Variants in NCAM2 observed in about 807,000 individuals in gnomAD.
NCAM2 encodes the protein neural cell adhesion molecule 2.
NCAM2 carries 30 observed loss-of-function variants against 98.1 expected under a neutral mutation model. The ratio of observed to expected loss-of-function variants is 0.31; its 90% CI spans 0.23 to 0.41. The LOEUF is 0.41. NCAM2 is among the 10% of genes least tolerant of loss of function. The pLI is 1.00. For synonymous variants in NCAM2, 368 were observed against 342.4 expected, an observed-to-expected ratio of 1.07 and a Z score of -0.83; for missense variants, 867 against 1,005.8, an observed-to-expected ratio of 0.86 and a Z score of 1.87.
At chr21:21,356,272 ATAT>A (rs1336586881) in intron 8 of NCAM2, among the ~76,000 whole-genome samples, 6 of 152,076 alleles carry the variant, frequency 3.9e-5, no homozygotes, top group African/African-American at 1.4e-4. Context: ...ATTCTCAGTT[ATAT>A]TATTCTTTAT....
At chr21:21,074,503 G>T (rs183884053) in intron 1 of NCAM2, among the ~76,000 whole-genome samples, 1 of 152,080 alleles carries the variant, frequency 6.6e-6, no homozygotes, top group Non-Finnish European at 1.5e-5. Context: ...TCACCATGAA[G>T]GTTTACTTTC....
chr21:21,122,656 A>G (rs2066699446), intron 1 of NCAM2, among the ~76,000 whole-genome samples: 2 of 152,166 alleles, frequency 1.3e-5, no homozygotes, highest in African/African-American at 4.8e-5. Flanking sequence ...GGATGGACCT[A>G]TTCAGTTCTG....
At chr21:21,200,009 C>T (rs1301700399) in intron 1 of NCAM2, among the ~76,000 whole-genome samples, 3 of 152,034 alleles carry the variant, frequency 2.0e-5, no homozygotes, top group African/African-American at 7.2e-5. Context: ...ATTTTTGCCA[C>T]TCCATGAAGA....
At chr21:21,256,172 T>C (rs2147315662) in intron 1 of NCAM2, among the ~76,000 whole-genome samples, 1 of 152,106 alleles carries the variant, frequency 6.6e-6, no homozygotes, top group African/African-American at 2.4e-5. Flanking sequence ...TTGGCCAACA[T>C]GGCAAAACCG....
intron 8 of NCAM2, among the ~76,000 whole-genome samples, chr21:21,353,209 CAA>C (rs1460037966): frequency 5.3e-5 from 8 of 152,164 alleles, no homozygotes; most frequent in Non-Finnish European, 1.0e-4. Flanking sequence ...TGCTGTCACA[CAA>C]GAGACTAGAT....
intron 1 of NCAM2, among the ~76,000 whole-genome samples, chr21:21,142,991 C>A (rs932539092): frequency 3.9e-5 from 6 of 152,110 alleles, no homozygotes; most frequent in Non-Finnish European, 7.4e-5. Context: ...ATTATTAGCC[C>A]TGGTCATACA....
At chr21:21,252,032 G>A (rs1007321130) in intron 1 of NCAM2, among the ~76,000 whole-genome samples, 3 of 151,602 alleles carry the variant, frequency 2.0e-5, no homozygotes, top group Admixed American at 2.0e-4. Context: ...TATAGTTTGG[G>A]GTTCAAAGGA....
intron 12 of NCAM2, among the ~76,000 whole-genome samples, chr21:21,442,938 C>A (rs1979518579): frequency 6.6e-6 from 1 of 152,108 alleles, no homozygotes; most frequent in Admixed American, 6.6e-5. Flanking sequence ...CTTTATCCCA[C>A]CCTCGCCCCT....
chr21:21,057,558 A>C (rs1358250333), intron 1 of NCAM2, among the ~76,000 whole-genome samples: 2 of 152,064 alleles, frequency 1.3e-5, no homozygotes, highest in East Asian at 3.9e-4. Context: ...CAAAGTCCTC[A>C]TGCACCCGAC....
At chr21:21,406,801 T>A (rs1409033679) in intron 9 of NCAM2, among the ~76,000 whole-genome samples, 1 of 152,230 alleles carries the variant, frequency 6.6e-6, no homozygotes, top group Non-Finnish European at 1.5e-5. Context: ...TATGCTTCCA[T>A]AACTTCATAT....
intron 1 of NCAM2, among the ~76,000 whole-genome samples, chr21:21,277,725 G>A (rs1468884054): frequency 1.3e-5 from 2 of 152,106 alleles, no homozygotes; most frequent in Non-Finnish European, 2.9e-5. Flanking sequence ...AGATCTTTGA[G>A]CAGAAGAGTG....
chr21:21,068,199 C>CT (rs1389290811), intron 1 of NCAM2, among the ~76,000 whole-genome samples: 4 of 136,036 alleles, frequency 2.9e-5, no homozygotes, highest in Non-Finnish European at 6.1e-5. Flanking sequence ...TACAGTGGCG[C>CT]TTGGCTCACT....
chr21:21,499,312 G>A (rs950949747), intron 15 of NCAM2, among the ~76,000 whole-genome samples: 1 of 152,114 alleles, frequency 6.6e-6, no homozygotes, highest in African/African-American at 2.4e-5. Context: ...CGTGATCTCG[G>A]CTCACTGCAA....
At chr21:21,108,898 C>A (rs1170018517) in intron 1 of NCAM2, among the ~76,000 whole-genome samples, 4 of 152,010 alleles carry the variant, frequency 2.6e-5, no homozygotes, top group Non-Finnish European at 5.9e-5. Flanking sequence ...GTAAATCAAC[C>A]CCACTATTTG....
rs151148117 is a variant in NCAM2, at chr21:21,286,700, A to G, written c.481+288A>G. On this transcript the variant is annotated intron_variant, in intron 4 of 17. Transcript: ENST00000400546. ...AGTTGAGAAGCTGTGGCTAAAAAAA[A>G]TATACAATCATTAGCCTAAAAAAAT... is the stretch of plus-strand genomic sequence containing the variant. 4.3e-3 allele frequency among the ~76,000 whole-genome samples: 655 copies of G among 152,002 alleles called. 5 individuals carry two copies. Among genetic ancestry groups the G allele is most frequent in the Non-Finnish European group, 6.6e-3 (447 of 67,900 alleles).
intron 16 of NCAM2, among the ~76,000 whole-genome samples, chr21:21,522,166 G>A (rs1449055156): frequency 6.8e-6 from 1 of 146,902 alleles, no homozygotes; most frequent in Non-Finnish European, 1.5e-5. Flanking sequence ...CTATATATAT[G>A]AATATGAATA....
intron 1 of NCAM2, among the ~76,000 whole-genome samples, chr21:21,062,876 T>C (rs1467391655): frequency 6.6e-6 from 1 of 152,222 alleles, no homozygotes; most frequent in Non-Finnish European, 1.5e-5. Flanking sequence ...ATAACTCATA[T>C]GCAGATGAAG....
At chr21:21,220,968 A>G (rs796409443) in intron 1 of NCAM2, among the ~76,000 whole-genome samples, 35 of 152,276 alleles carry the variant, frequency 2.3e-4, no homozygotes, top group African/African-American at 7.7e-4. Flanking sequence ...TAAGTCTGTC[A>G]GTGCTATTTT....
At chr21:21,075,574 A>T (rs1364567270) in intron 1 of NCAM2, among the ~76,000 whole-genome samples, 1 of 152,138 alleles carries the variant, frequency 6.6e-6, no homozygotes, top group East Asian at 1.9e-4. Context: ...TTCACCATTA[A>T]TTATGTTGTT....
Sources: gnomAD v4.1 joint callset for allele counts (sites outside exome capture counted in the v4.1 genomes callset) on GRCh38, gnomAD v4.1.1 for gene constraint, MANE v1.5 for transcripts, NCBI Gene and HGNC (gene_info 2026-07-23, HGNC 2026-07-21) for gene names.